Variants in TTC23 observed in about 807,000 individuals in gnomAD.
The protein encoded by TTC23 is tetratricopeptide repeat protein 23.
Under a neutral mutation model 55.1 loss-of-function variants are expected in TTC23, and 58 were observed. The ratio of observed to expected loss-of-function variants is 1.05; its 90% CI spans 0.85 to 1.31. The LOEUF is 1.31. Among genes scored for constraint, TTC23 ranks in the 50% most tolerant of loss-of-function variants. The probability of loss-of-function intolerance (pLI) is 0.00; values close to 1 mark genes in which losing one functional copy is unlikely to be tolerated. For synonymous variants in TTC23, 203 were observed against 199.9 expected (o/e 1.02, Z -0.13); for missense variants, 516 against 534.4 (o/e 0.97, Z 0.34).
At chr15:99,204,586 C>A in intron 8 of TTC23, among the ~76,000 whole-genome samples, 1 of 126,670 alleles carries the variant, frequency 7.9e-6, no homozygotes. Context: ...AGTGTTTTCT[C>A]AATATTTTCT....
At chr15:99,216,947 A>T (rs1381071329) in intron 8 of TTC23, among the ~76,000 whole-genome samples, 1 of 152,226 alleles carries the variant, frequency 6.6e-6, no homozygotes, top group African/African-American at 2.4e-5. Flanking sequence ...TCATGGCAGC[A>T]CTGCTATGGC....
At chr15:99,242,403 T>C (rs2079889985) in intron 2 of TTC23, among the ~76,000 whole-genome samples, 2 of 152,184 alleles carry the variant, frequency 1.3e-5, no homozygotes, top group Admixed American at 1.3e-4. Context: ...GCATCAGTGA[T>C]GTATTCTACC....
At chr15:99,226,956 A>AG (rs565388956) in intron 5 of TTC23, among the ~76,000 whole-genome samples, 2 of 152,362 alleles carry the variant, frequency 1.3e-5, no homozygotes, top group South Asian at 4.1e-4. Context: ...ATTCTTCACC[A>AG]GAACCACAGA....
At chr15:99,146,851 C>A (rs116736382) in intron 12 of TTC23, among the ~76,000 whole-genome samples, 3,340 of 152,340 alleles carry the variant, frequency 0.022, 112 homozygotes, top group African/African-American at 0.077. Context: ...GCCAGGGAGG[C>A]CTGTGGTCAG....
At chr15:99,194,082 G>A (rs1044602594) in intron 9 of TTC23, among the ~76,000 whole-genome samples, 10 of 152,028 alleles carry the variant, frequency 6.6e-5, no homozygotes, top group South Asian at 2.1e-4. Context: ...TAGCTGAGAC[G>A]TTGAGGATAG....
At chr15:99,172,241 CT>C (rs1406516022) in intron 10 of TTC23, among the ~76,000 whole-genome samples, 1 of 151,948 alleles carries the variant, frequency 6.6e-6, no homozygotes, top group Non-Finnish European at 1.5e-5. Flanking sequence ...TGGTCTCGAA[CT>C]CCTGACCTCA....
intron 2 of TTC23, among the ~76,000 whole-genome samples, chr15:99,243,186 G>C (rs949407182): frequency 6.6e-6 from 1 of 152,124 alleles, no homozygotes; most frequent in Non-Finnish European, 1.5e-5. Flanking sequence ...ATTAAAAAGT[G>C]AGCAAAAGAT....
intron 8 of TTC23, among the ~76,000 whole-genome samples, chr15:99,201,688 A>G (rs913644951): frequency 6.6e-6 from 1 of 152,202 alleles, no homozygotes; most frequent in Non-Finnish European, 1.5e-5. Flanking sequence ...GGGACTAAGG[A>G]GGGCTACAGC....
chr15:99,249,595 C>G (rs2080552114), upstream of TTC23: 1 of 152,110 alleles, frequency 6.6e-6, no homozygotes, highest in Non-Finnish European at 1.5e-5. Flanking sequence ...AAACTCCAGG[C>G]AAAAGAATGA....
intron 10 of TTC23, among the ~76,000 whole-genome samples, chr15:99,162,117 T>C (rs1168288718): frequency 6.6e-6 from 1 of 152,190 alleles, no homozygotes; most frequent in Non-Finnish European, 1.5e-5. Flanking sequence ...AAAGAAAAGT[T>C]ACTGCAAAAG....
At chr15:99,164,714 C>G (rs992512722) in intron 10 of TTC23, among the ~76,000 whole-genome samples, 1 of 152,174 alleles carries the variant, frequency 6.6e-6, no homozygotes, top group Non-Finnish European at 1.5e-5. Flanking sequence ...GTTTCATTAT[C>G]TTTTCCAATG....
chr15:99,213,245 T>C (rs992424258), intron 8 of TTC23, among the ~76,000 whole-genome samples: 4 of 152,216 alleles, frequency 2.6e-5, no homozygotes, highest in South Asian at 2.1e-4. Flanking sequence ...GTGGTGATTA[T>C]ATCAGGGTGA....
chr15:99,251,032 G>A (rs2080695469), upstream of TTC23: 1 of 141,404 alleles, frequency 7.1e-6, no homozygotes, highest in African/African-American at 2.7e-5. Context: ...CGCTCAACGT[G>A]GGATCATTGT....
chr15:99,139,251 G>A, intron 13 of TTC23, 66 bp downstream of exon 13: 1 of 1,578,048 alleles, frequency 6.3e-7, no homozygotes, highest in African/African-American at 1.3e-5. Context: ...TCTAGAACCA[G>A]CTTTCTCTTG....
intron 4 of TTC23, among the ~76,000 whole-genome samples, chr15:99,232,874 C>T (rs1450503242): frequency 4.6e-5 from 7 of 152,048 alleles, no homozygotes; most frequent in Admixed American, 2.6e-4. Context: ...GATCAAGATA[C>T]GGTGTTAATG....
At chr15:99,139,934 C>A in intron 12 of TTC23, 1 of 351,346 alleles carries the variant, frequency 2.8e-6, no homozygotes, top group Non-Finnish European at 5.2e-6. Flanking sequence ...TTAAGTCTTG[C>A]CATTTGATTG....
At chr15:99,140,012 A>G in intron 12 of TTC23, 1 of 240,752 alleles carries the variant, frequency 4.2e-6, no homozygotes, top group Non-Finnish European at 8.3e-6. Flanking sequence ...TGGCCAAAAT[A>G]ATTTTGAGAA....
chr15:99,180,054 G>A (rs1376052079), intron 9 of TTC23, among the ~76,000 whole-genome samples: 1 of 152,188 alleles, frequency 6.6e-6, no homozygotes, highest in African/African-American at 2.4e-5. Context: ...CAGGCATCCT[G>A]CTTGCCTCTC....
At chr15:99,208,679 C>T (rs2076812193) in intron 8 of TTC23, among the ~76,000 whole-genome samples, 1 of 151,832 alleles carries the variant, frequency 6.6e-6, no homozygotes, top group Admixed American at 6.6e-5. Flanking sequence ...ATTGTGAGTA[C>T]ACTATTCACA....
Sources: gnomAD v4.1 joint callset for allele counts (sites outside exome capture counted in the v4.1 genomes callset) on GRCh38, gnomAD v4.1.1 for gene constraint, MANE v1.5 for transcripts, NCBI Gene and HGNC (gene_info 2026-07-23, HGNC 2026-07-21) for gene names.